RABGEF1: variants seen among roughly 807,000 people sequenced by gnomAD.
The protein encoded by RABGEF1 is RAB guanine nucleotide exchange factor 1, also known as rab5 GDP/GTP exchange factor.
Under a neutral mutation model 57.3 loss-of-function variants are expected in RABGEF1, and 26 were observed. That is an observed-to-expected ratio of 0.45 (90% CI 0.33 to 0.63). The LOEUF (loss-of-function observed/expected upper bound fraction) is 0.63, where lower values mean the gene tolerates loss of function less well. Among genes scored for constraint, RABGEF1 ranks in the 20% least tolerant of loss-of-function variants. RABGEF1 has a pLI of 0.02. For synonymous variants in RABGEF1, 185 were observed against 210.7 expected, an observed-to-expected ratio of 0.88 and a Z score of 1.06; for missense variants, 464 against 607.6, an observed-to-expected ratio of 0.76 and a Z score of 2.48.
intron 1 of RABGEF1, among the ~76,000 whole-genome samples, chr7:66,754,019 T>TTA (rs1802109693): frequency 6.7e-6 from 1 of 149,578 alleles, no homozygotes; most frequent in Non-Finnish European, 1.5e-5. Context: ...TTTTTTTTTT[T>TTA]TGAGACAGAG....
intron 4 of RABGEF1, among the ~76,000 whole-genome samples, chr7:66,788,050 T>A (rs1272501777): frequency 1.3e-5 from 2 of 152,250 alleles, no homozygotes; most frequent in Non-Finnish European, 2.9e-5. Context: ...ATACATTTTT[T>A]CCCTATTCTG....
intron 1 of RABGEF1, among the ~76,000 whole-genome samples, chr7:66,697,954 C>T (rs73135952): frequency 0.054 from 8,187 of 152,176 alleles, 308 homozygotes; most frequent in Non-Finnish European, 0.068. Context: ...TATTGGGAAG[C>T]CCGGCCCTCT....
chr7:66,675,722 C>G, the RABGEF1 span, among the ~76,000 whole-genome samples: 1,597 of 152,222 alleles, frequency 0.01, 20 homozygotes, highest in South Asian at 0.02. Flanking sequence ...CTAATAAATT[C>G]AGCAATGTAA....
intron 1 of RABGEF1, among the ~76,000 whole-genome samples, chr7:66,745,918 C>T (rs1800120057): frequency 6.6e-6 from 1 of 152,154 alleles, no homozygotes; most frequent in African/African-American, 2.4e-5. Context: ...TGTGATCAAG[C>T]CACTGCACTA....
chr7:66,795,075 T>G (rs1813693062), intron 4 of RABGEF1, among the ~76,000 whole-genome samples: 1 of 152,060 alleles, frequency 6.6e-6, no homozygotes, highest in East Asian at 1.9e-4. Flanking sequence ...TTTTGGGAAG[T>G]TTGCACCATT....
chr7:66,658,744 T>G, the RABGEF1 span, among the ~76,000 whole-genome samples: 1 of 152,068 alleles, frequency 6.6e-6, no homozygotes, highest in Non-Finnish European at 1.5e-5. Flanking sequence ...TTCTTTTTTT[T>G]GTTTGTTTTG....
chr7:66,797,491 T>C lies in RABGEF1; in HGVS notation c.713T>C (p.Ile238Thr). ...TTDDEKKDLA[I>T]QKRIRALRWV... is the part of the protein sequence containing the mutation. ...GATGATGAGAAGAAAGATCTTGCCA[T>C]TCAAAAGAGAATCAGGTAGTTGCTT... The change falls in exon 6 of 9, where the codon ATT becomes ACT. Residue 238 changes from isoleucine to threonine, a missense_variant. Coordinates refer to ENST00000284957, the MANE Select transcript of RABGEF1 (RefSeq NM_014504.3). The C allele has an allele frequency of 3.1e-6, 5 of 1,608,660 alleles. No individual in the cohort carries two copies. Among genetic ancestry groups the C allele is most frequent in the Non-Finnish European group, 4.2e-6 (5 of 1,178,824 alleles).
chr7:66,671,215 G>A, the RABGEF1 span, among the ~76,000 whole-genome samples: 12 of 152,156 alleles, frequency 7.9e-5, no homozygotes, highest in Non-Finnish European at 1.5e-4. Context: ...TGTTGCCCCG[G>A]GTGGAATGTA....
chr7:66,730,484 T>C (rs1228216610), intron 2 of RABGEF1, among the ~76,000 whole-genome samples: 1 of 152,062 alleles, frequency 6.6e-6, no homozygotes, highest in Non-Finnish European at 1.5e-5. Context: ...GTCAACCTCC[T>C]GGGCTTAAGT....
At chr7:66,802,587 A>T (rs1787537025) in intron 7 of RABGEF1, among the ~76,000 whole-genome samples, 1 of 152,212 alleles carries the variant, frequency 6.6e-6, no homozygotes, top group Non-Finnish European at 1.5e-5. Context: ...CTTTCTCCTC[A>T]CATGTCTCCT....
At chr7:66,783,229 G>A (rs571971789) in intron 3 of RABGEF1, among the ~76,000 whole-genome samples, 1 of 152,154 alleles carries the variant, frequency 6.6e-6, no homozygotes, top group Non-Finnish European at 1.5e-5. Flanking sequence ...TTTTTCTCAA[G>A]TAAAATGGGA....
At chr7:66,673,321 C>T in the RABGEF1 span, among the ~76,000 whole-genome samples, 8 of 151,914 alleles carry the variant, frequency 5.3e-5, no homozygotes, top group Admixed American at 5.3e-4. Flanking sequence ...GCTGCTTGGG[C>T]CTCAATCTGG....
chr7:66,743,091 C>T (rs1296267626), intron 1 of RABGEF1, among the ~76,000 whole-genome samples: 1 of 151,932 alleles, frequency 6.6e-6, no homozygotes, highest in African/African-American at 2.4e-5. Context: ...GGGCGGATCA[C>T]GAGGTCAGGA....
chr7:66,717,112 C>T (rs1402896378), intron 2 of RABGEF1, among the ~76,000 whole-genome samples: 1 of 152,150 alleles, frequency 6.6e-6, no homozygotes, highest in Non-Finnish European at 1.5e-5. Flanking sequence ...TGTTTCCTTT[C>T]CTGCCTTCTT....
chr7:66,789,279 A>C (rs1454812156), intron 4 of RABGEF1, among the ~76,000 whole-genome samples: 1 of 152,354 alleles, frequency 6.6e-6, no homozygotes, highest in East Asian at 1.9e-4. Flanking sequence ...CAGGGGTAGC[A>C]ACCCAGGACC....
the RABGEF1 span, among the ~76,000 whole-genome samples, chr7:66,659,105 A>G: frequency 1.3e-5 from 2 of 152,312 alleles, no homozygotes; most frequent in South Asian, 4.1e-4. Flanking sequence ...CAAAGACAGT[A>G]CAAGAAAACA....
chr7:66,794,207 A>ATTTT (rs1174835014), intron 4 of RABGEF1, among the ~76,000 whole-genome samples: 15 of 91,080 alleles, frequency 1.6e-4, no homozygotes, highest in Admixed American at 3.4e-4. Flanking sequence ...TCCATGTTTA[A>ATTTT]TTTTTTTTTT....
chr7:66,739,889 A>G (rs1798548766), upstream of RABGEF1: 1 of 152,256 alleles, frequency 6.6e-6, no homozygotes, highest in South Asian at 2.1e-4. Flanking sequence ...GGAATCACGT[A>G]AAGAATCAGG....
chr7:66,681,172 A>G (rs1300133045), upstream of RABGEF1, among the ~76,000 whole-genome samples: 2 of 152,218 alleles, frequency 1.3e-5, no homozygotes, highest in Non-Finnish European at 2.9e-5. Flanking sequence ...ACCCAGGTCT[A>G]TCTAAGAGCC....
Sources: gnomAD v4.1 joint callset for allele counts (sites outside exome capture counted in the v4.1 genomes callset) on GRCh38, gnomAD v4.1.1 for gene constraint, MANE v1.5 for transcripts, NCBI Gene and HGNC (gene_info 2026-07-23, HGNC 2026-07-21) for gene names.